The following HACD4 variants were observed in gnomAD, a reference collection of about 807,000 sequenced individuals.
HACD4 encodes 3-hydroxyacyl-CoA dehydratase 4, also known as very-long-chain (3R)-3-hydroxyacyl-CoA dehydratase 4.
A neutral mutation model predicts 33.3 loss-of-function variants in HACD4; 35 were observed. The ratio of observed to expected loss-of-function variants is 1.05; its 90% CI spans 0.80 to 1.39. The LOEUF is 1.39. Among genes scored for constraint, HACD4 ranks in the 40% most tolerant of loss-of-function variants. The pLI, the probability that HACD4 is intolerant of heterozygous loss-of-function variation, is 0.00. For missense variants in HACD4, 323 were observed against 276.5 expected (o/e 1.17, Z -1.19); for synonymous variants, 118 against 98.0 (o/e 1.20, Z -1.21).
chr9:21,026,851 C>T (rs1818075285), intron 2 of HACD4, 128 bp from the exon 3 acceptor site: 1 of 695,266 alleles, frequency 1.4e-6, no homozygotes, highest in Non-Finnish European at 2.4e-6. Flanking sequence ...TGAAAAATTC[C>T]TTAAGTAGGC....
intron 5 of HACD4, among the ~76,000 whole-genome samples, chr9:21,009,508 T>G (rs982900944): frequency 1.3e-5 from 2 of 152,186 alleles, no homozygotes; most frequent in Non-Finnish European, 2.9e-5. Context: ...TAGTCATATT[T>G]CTACCTTATT....
Position 21,026,569 on chromosome 9 carries a change from C to A in HACD4, c.270+27G>T, listed in dbSNP as rs544803215. The A allele has an allele frequency of 8.8e-5, 138 of 1,574,286 alleles. No individual in the cohort carries two copies. The South Asian group carries it at 1.0e-3, about 12-fold the overall frequency. ...AAAAAATGTAAAAATGAAACAGATT[C>A]TATAATAATATGTGATTCAAACCTA... On this transcript the variant is annotated intron_variant, in intron 3 of 6. Coordinates refer to ENST00000495827, the MANE Select transcript of HACD4 (RefSeq NM_001010915.5).
At chr9:21,028,174 GAAAGA>G (rs1818114471) in intron 2 of HACD4, among the ~76,000 whole-genome samples, 1 of 147,262 alleles carries the variant, frequency 6.8e-6, no homozygotes, top group Non-Finnish European at 1.5e-5. Flanking sequence ...GAAAAAAAAA[GAAAGA>G]AAAGAAAAAG....
In HACD4 at chr9:21,000,547, G is replaced by C. The variant is rs575703251; in HGVS notation, c.*6490C>G. On this transcript the variant is annotated 3_prime_UTR_variant, in exon 7 of 7. Coordinates refer to ENST00000495827, the MANE Select transcript of HACD4 (RefSeq NM_001010915.5). ...AGCCCTGGAATCTGCATTCTAAACA[G>C]GTGAACTTGTTAATTGTGGCTGTTG... 1.5e-4 allele frequency: 23 copies of C among 152,206 alleles called. No individual in the cohort carries two copies. Among genetic ancestry groups the C allele is most frequent in the Admixed American group, 1.2e-3 (19 of 15,286 alleles). The allele number at this position is 152,206 out of a possible 1,614,324, so 9.4% of individuals were successfully genotyped here. A position where few individuals can be genotyped will look rare whatever the true frequency, so the allele number is the denominator to read the frequency against.
At chr9:21,021,886 G>T (rs1817923532) in intron 3 of HACD4, among the ~76,000 whole-genome samples, 1 of 152,144 alleles carries the variant, frequency 6.6e-6, no homozygotes, top group Non-Finnish European at 1.5e-5. Context: ...CTACTTTAAA[G>T]TTCATATGGA....
intron 5 of HACD4, among the ~76,000 whole-genome samples, chr9:21,009,450 G>A (rs1043687796): frequency 3.9e-5 from 6 of 152,088 alleles, no homozygotes; most frequent in Non-Finnish European, 7.4e-5. Flanking sequence ...TAACAAGAAT[G>A]CAAAAGTTTC....
intron 1 of HACD4, 141 bp downstream of exon 1, chr9:21,031,412 C>T: frequency 7.7e-7 from 1 of 1,306,964 alleles, no homozygotes; most frequent in Non-Finnish European, 9.7e-7. Flanking sequence ...GCATGAGCTC[C>T]AAGGGGTGCC....
intron 1 of HACD4, 85 bp downstream of exon 1, chr9:21,031,468 C>T (rs1374756813): frequency 4.4e-6 from 6 of 1,360,594 alleles, no homozygotes; most frequent in Admixed American, 4.0e-5. Context: ...GGGGTGCCGC[C>T]CGCCCGCCCG....
At chr9:21,029,964 C>T (rs965231041) in intron 1 of HACD4, among the ~76,000 whole-genome samples, 2 of 152,152 alleles carry the variant, frequency 1.3e-5, no homozygotes, top group African/African-American at 4.8e-5. Flanking sequence ...GAATACATAT[C>T]ATTTTCACAC....
Position 21,011,696 on chromosome 9 carries a change from C to A in HACD4, c.384-1G>T, listed in dbSNP as rs780074763. ...GACTGATAACATGCTATAAGTGTAC[C>A]TGAAAGGAGATGAGAAGCTCATAAA... On this transcript the variant is annotated splice_acceptor_variant, in intron 4 of 6. Coordinates refer to ENST00000495827, the MANE Select transcript of HACD4 (RefSeq NM_001010915.5). LOFTEE classifies it high-confidence loss of function. The A allele has an allele frequency of 4.5e-6, 7 of 1,544,054 alleles. No individual in the cohort carries two copies. The East Asian group carries it at 1.6e-4, about 35-fold the overall frequency.
At chr9:21,017,266 C>T (rs2132783470) in intron 3 of HACD4, among the ~76,000 whole-genome samples, 1 of 152,196 alleles carries the variant, frequency 6.6e-6, no homozygotes. Context: ...ATCAGAAATC[C>T]ACGTGTATAA....
At chr9:21,021,969 AC>A (rs1209624107) in intron 3 of HACD4, among the ~76,000 whole-genome samples, 1 of 152,200 alleles carries the variant, frequency 6.6e-6, no homozygotes, top group Non-Finnish European at 1.5e-5. Context: ...ACGCTACCTG[AC>A]TTCAAACTAT....
chr9:21,028,004 G>T (rs1278715472), intron 2 of HACD4, among the ~76,000 whole-genome samples: 1 of 151,620 alleles, frequency 6.6e-6, no homozygotes, highest in African/African-American at 2.4e-5. Flanking sequence ...GCATGGTGGC[G>T]GGCACCTGTA....
intron 3 of HACD4, among the ~76,000 whole-genome samples, chr9:21,016,713 G>C (rs1289891373): frequency 1.5e-5 from 2 of 130,444 alleles, no homozygotes; most frequent in African/African-American, 5.6e-5. Flanking sequence ...CATGTTTGGA[G>C]GTGGGTTGTG....
rs941936443 is a variant in HACD4, at chr9:21,026,543, G to GA, written c.270+52dup. On this transcript the variant is annotated intron_variant, in intron 3 of 6. Transcript: ENST00000495827. Reference sequence around the variant, plus strand: ...ATAAAGTCAAGAGAAGCTTTAAAGAGAAAAAATGTAAAAATGAAACAGATT... The same window carrying GA: ...ATAAAGTCAAGAGAAGCTTTAAAGAGAAAAAAATGTAAAAATGAAACAGATT... The GA allele has an allele frequency of 3.4e-6, 5 of 1,477,390 alleles. No individual in the cohort carries two copies. The African/African-American group carries it at 4.2e-5, about 13-fold the overall frequency. 91.5% of individuals were successfully genotyped at this position (1,477,390 alleles called of 1,614,324 possible).
intron 3 of HACD4, among the ~76,000 whole-genome samples, chr9:21,022,292 A>G (rs1192593737): frequency 1.3e-5 from 2 of 152,216 alleles, no homozygotes; most frequent in Non-Finnish European, 2.9e-5. Context: ...CACCTAGGCA[A>G]TACCACTCAG....
In HACD4 at chr9:21,004,431, G is replaced by A. The variant is rs1381910974; in HGVS notation, c.*2606C>T. ...CTGGTGTCCCCCATTAAATTCACAT[G>A]TTGAAAATCTAATCTCCAGTGTGAT... is the stretch of plus-strand genomic sequence containing the variant. On this transcript the variant is annotated 3_prime_UTR_variant, in exon 7 of 7. Coordinates refer to ENST00000495827, the MANE Select transcript of HACD4 (RefSeq NM_001010915.5). The surrounding 1 kb of genome is among the most constrained non-coding windows in gnomAD (Gnocchi z 4.6). 6.6e-6 allele frequency: 1 copy of A among 152,158 alleles called. No individual in the cohort carries two copies. The highest frequency in any genetic ancestry group is 1.5e-5 in the Non-Finnish European group (1 of 68,044). 9.4% of individuals were successfully genotyped at this position (152,158 alleles called of 1,614,324 possible). A position where few individuals can be genotyped will look rare whatever the true frequency, so the allele number is the denominator to read the frequency against.
intron 3 of HACD4, among the ~76,000 whole-genome samples, chr9:21,024,036 G>C (rs1420364842): frequency 2.6e-5 from 4 of 152,178 alleles, no homozygotes; most frequent in Non-Finnish European, 5.9e-5. Context: ...TGAAAGTTTT[G>C]TTTCATTATT....
In HACD4 at chr9:21,005,384, A is replaced by T. The variant is rs530196475; in HGVS notation, c.*1653T>A. On this transcript the variant is annotated 3_prime_UTR_variant, in exon 7 of 7. Transcript: ENST00000495827. This position sits in a 1 kb window ranked among gnomAD's most constrained non-coding sequence, Gnocchi z 4.0. ...AAAACACGTTTGGTAGAGAACACTA[A>T]GAGTGTAGCAGACAAGTCATCCAAT... 3.7e-4 allele frequency: 57 copies of T among 152,356 alleles called. No individual in the cohort carries two copies. The highest frequency in any genetic ancestry group is 1.2e-3 in the African/African-American group (50 of 41,586). The allele number at this position is 152,356 out of a possible 1,614,324, so 9.4% of individuals were successfully genotyped here. A position where few individuals can be genotyped will look rare whatever the true frequency, so the allele number is the denominator to read the frequency against.
Sources: allele counts gnomAD v4.1 joint callset (sites outside exome capture counted in the v4.1 genomes callset), GRCh38; gene constraint gnomAD v4.1.1; non-coding constraint Gnocchi (gnomAD v3.1); transcripts MANE v1.5; gene names NCBI Gene and HGNC (gene_info 2026-07-23, HGNC 2026-07-21).